The following CIMAP3 variants were observed in gnomAD, a reference collection of about 807,000 sequenced individuals.
CIMAP3 encodes the protein ciliary microtubule associated protein 3.
chr1:111,334,143 C>T, the CIMAP3 span, among the ~76,000 whole-genome samples: 1 of 152,118 alleles, frequency 6.6e-6, no homozygotes, highest in African/African-American at 2.4e-5. Context: ...TTTCTTGCAT[C>T]GGTAAACTGG....
the CIMAP3 span, among the ~76,000 whole-genome samples, chr1:111,326,986 A>G: frequency 6.6e-6 from 1 of 151,792 alleles, no homozygotes; most frequent in African/African-American, 2.4e-5. Context: ...TATATTGTGG[A>G]TATTAGTCCC....
the CIMAP3 span, among the ~76,000 whole-genome samples, chr1:111,345,088 T>C: frequency 6.6e-6 from 1 of 152,234 alleles, no homozygotes; most frequent in Non-Finnish European, 1.5e-5. Context: ...CTATACCATC[T>C]AGGTTTGTGT....
the CIMAP3 span, chr1:111,348,784 CAATT>C: frequency 2.3e-6 from 2 of 851,616 alleles, no homozygotes; most frequent in South Asian, 5.0e-5. Flanking sequence ...GAGATTTAAT[CAATT>C]GTCTCACAGA....
the CIMAP3 span, among the ~76,000 whole-genome samples, chr1:111,346,003 T>A: frequency 1.3e-5 from 2 of 152,044 alleles, no homozygotes; most frequent in Non-Finnish European, 2.9e-5. Context: ...GAAATTTGAC[T>A]GCCCCAACTT....
At chr1:111,348,353 G>T in the CIMAP3 span, 2 of 638,830 alleles carry the variant, frequency 3.1e-6, no homozygotes, top group Non-Finnish European at 5.1e-6. Flanking sequence ...CCCGTATCTC[G>T]GTTTTCTACC....
chr1:111,331,332 T>C, the CIMAP3 span, among the ~76,000 whole-genome samples: 1 of 152,200 alleles, frequency 6.6e-6, no homozygotes, highest in African/African-American at 2.4e-5. Context: ...GCAATGCCCA[T>C]AGTATGGACT....
At chr1:111,326,582 G>A in the CIMAP3 span, among the ~76,000 whole-genome samples, 14 of 151,992 alleles carry the variant, frequency 9.2e-5, no homozygotes, top group Non-Finnish European at 2.1e-4. Context: ...GAATACTGCT[G>A]CAATAAACAC....
chr1:111,324,920 A>G, the CIMAP3 span: 3 of 947,150 alleles, frequency 3.2e-6, no homozygotes, highest in Non-Finnish European at 3.8e-6. Context: ...TAGTAGATGT[A>G]TGAAAACTCA....
the CIMAP3 span, among the ~76,000 whole-genome samples, chr1:111,336,638 C>T: frequency 8.0e-3 from 1,214 of 151,924 alleles, 16 homozygotes; most frequent in African/African-American, 0.027. Flanking sequence ...TGAGAAGGGA[C>T]GTTTAGAGAA....
At chr1:111,327,931 G>C in the CIMAP3 span, among the ~76,000 whole-genome samples, 1 of 151,888 alleles carries the variant, frequency 6.6e-6, no homozygotes, top group Non-Finnish European at 1.5e-5. Flanking sequence ...AATTCTTTTA[G>C]TTGTGAAGTT....
At chr1:111,346,720 G>A in the CIMAP3 span, 2 of 1,596,278 alleles carry the variant, frequency 1.3e-6, no homozygotes, top group Non-Finnish European at 1.7e-6. Context: ...GTAGGGGGAA[G>A]GGTGGGGAAG....
At chr1:111,344,265 C>T in the CIMAP3 span, among the ~76,000 whole-genome samples, 2 of 152,138 alleles carry the variant, frequency 1.3e-5, no homozygotes, top group Non-Finnish European at 2.9e-5. Flanking sequence ...GGTTTTTTGA[C>T]AGCTGGTCTA....
the CIMAP3 span, among the ~76,000 whole-genome samples, chr1:111,333,367 C>T: frequency 6.6e-6 from 1 of 152,228 alleles, no homozygotes; most frequent in African/African-American, 2.4e-5. Flanking sequence ...GCTATTGGCC[C>T]CCAGAGGAGG....
At chr1:111,346,305 C>T in the CIMAP3 span, 1 of 213,394 alleles carries the variant, frequency 4.7e-6, no homozygotes, top group Non-Finnish European at 9.4e-6. Context: ...TGCTGGTGGC[C>T]CAGACTTCGG....
chr1:111,329,654 A>G, the CIMAP3 span, among the ~76,000 whole-genome samples: 1 of 150,704 alleles, frequency 6.6e-6, no homozygotes, highest in Non-Finnish European at 1.5e-5. Context: ...TCCCAGGTTC[A>G]AGTGATTCTC....
the CIMAP3 span, among the ~76,000 whole-genome samples, chr1:111,344,190 A>G: frequency 6.6e-6 from 1 of 152,348 alleles, no homozygotes; most frequent in African/African-American, 2.4e-5. Context: ...ATTACATGCA[A>G]TAAGGATAGA....
chr1:111,350,177 A>C, the CIMAP3 span: 6 of 1,613,982 alleles, frequency 3.7e-6, no homozygotes, highest in African/African-American at 5.3e-5. Flanking sequence ...GGATCTCCAG[A>C]CTGGGCTCAG....
the CIMAP3 span, among the ~76,000 whole-genome samples, chr1:111,325,270 T>C: frequency 6.6e-6 from 1 of 152,220 alleles, no homozygotes; most frequent in Non-Finnish European, 1.5e-5. Context: ...AAGAAATGAT[T>C]CATGCCATTT....
chr1:111,334,510 C>T, the CIMAP3 span, among the ~76,000 whole-genome samples: 2 of 152,168 alleles, frequency 1.3e-5, no homozygotes, highest in Admixed American at 1.3e-4. Flanking sequence ...GAAAGAGAAG[C>T]AGACAGGGAA....
Sources: gnomAD v4.1 joint callset for allele counts (sites outside exome capture counted in the v4.1 genomes callset) on GRCh38, gnomAD v4.1.1 for gene constraint, MANE v1.5 for transcripts, NCBI Gene and HGNC (gene_info 2026-07-23, HGNC 2026-07-21) for gene names.